Variants in UBAP2 observed in about 807,000 individuals in gnomAD.
UBAP2 encodes the protein ubiquitin-associated protein 2.
UBAP2 carries 75 observed loss-of-function variants against 139.6 expected under a neutral mutation model. That is an observed-to-expected ratio of 0.54 (90% confidence interval 0.45 to 0.65). The LOEUF is 0.65. Ranked by LOEUF, UBAP2 falls within the 30% of genes least tolerant of loss-of-function variation. The probability of loss-of-function intolerance (pLI) is 0.00; values close to 1 mark genes in which losing one functional copy is unlikely to be tolerated. For missense variants in UBAP2, 1,368 were observed against 1,369.6 expected (o/e 1.00, Z 0.02); for synonymous variants, 526 against 526.2 (o/e 1.00, Z 0.01).
At chr9:34,042,727 C>T (rs1305327003) in intron 1 of UBAP2, among the ~76,000 whole-genome samples, 1 of 151,932 alleles carries the variant, frequency 6.6e-6, no homozygotes, top group Non-Finnish European at 1.5e-5. Flanking sequence ...ACACAGGAGA[C>T]TTCCAGGTAG....
rs1319988159 is a variant in UBAP2 at position 33,950,547 on chromosome 9, T to C, written c.1057-1960A>G. On this transcript the variant is annotated intron_variant, in intron 12 of 28. Coordinates refer to ENST00000379238, the MANE Select transcript of UBAP2 (RefSeq NM_001370062.2). ...AGGTTATGGACAGCTGTGACAGAGA[T>C]TGCTCATACTGAAACAGTTGTGCTA... Among the ~76,000 whole-genome samples, 3 of 152,216 alleles carry C rather than the reference T, an allele frequency of 2.0e-5. 1 individual carries two copies. The highest frequency in any genetic ancestry group is 4.1e-4 in the South Asian group (2 of 4,834).
At chr9:34,038,676 C>G (rs997581202) in intron 1 of UBAP2, among the ~76,000 whole-genome samples, 1 of 152,156 alleles carries the variant, frequency 6.6e-6, no homozygotes, top group Non-Finnish European at 1.5e-5. Context: ...CCCAAAGTGC[C>G]GAGATTGTAG....
chr9:34,017,639 T>C (rs1824487769), intron 1 of UBAP2, among the ~76,000 whole-genome samples: 2 of 152,028 alleles, frequency 1.3e-5, no homozygotes, highest in Non-Finnish European at 2.9e-5. Flanking sequence ...AAAGAAACAA[T>C]TGTGTGGCCG....
At chr9:34,008,427 G>A (rs2131237920) in intron 2 of UBAP2, among the ~76,000 whole-genome samples, 1 of 151,718 alleles carries the variant, frequency 6.6e-6, no homozygotes, top group Admixed American at 6.6e-5. Flanking sequence ...GAAGCAATAA[G>A]ACATAACACA....
intron 10 of UBAP2, among the ~76,000 whole-genome samples, chr9:33,956,960 G>T (rs1490070033): frequency 6.6e-6 from 1 of 151,860 alleles, no homozygotes; most frequent in African/African-American, 2.4e-5. Flanking sequence ...GGTCGTGGTG[G>T]TGTGCACCTG....
intron 21 of UBAP2, 52 bp from the exon 22 acceptor site, chr9:33,926,716 A>C: frequency 1.9e-6 from 3 of 1,596,272 alleles, no homozygotes; most frequent in Non-Finnish European, 1.7e-6. Flanking sequence ...ACACCCTGGG[A>C]AGCCCAGGTC....
At chr9:34,046,051 A>T (rs1827550886) in intron 1 of UBAP2, among the ~76,000 whole-genome samples, 1 of 152,170 alleles carries the variant, frequency 6.6e-6, no homozygotes, top group Non-Finnish European at 1.5e-5. Context: ...ACTCAAAATA[A>T]CAACTAAGAG....
intron 1 of UBAP2, among the ~76,000 whole-genome samples, chr9:34,029,675 A>T (rs1249106934): frequency 6.6e-6 from 1 of 151,914 alleles, no homozygotes. Flanking sequence ...GTCTCTATTT[A>T]AAAAAATAAA....
At chr9:33,966,547 G>A (rs1827473592) in intron 8 of UBAP2, among the ~76,000 whole-genome samples, 1 of 152,120 alleles carries the variant, frequency 6.6e-6, no homozygotes, top group Non-Finnish European at 1.5e-5. Context: ...TCAATTTGGA[G>A]AGAAATGACA....
At chr9:33,933,857 GA>G (rs1824219261) in intron 17 of UBAP2, among the ~76,000 whole-genome samples, 1 of 152,190 alleles carries the variant, frequency 6.6e-6, no homozygotes, top group South Asian at 2.1e-4. Flanking sequence ...ATGCAGCAAA[GA>G]ATAGGAAATG....
At chr9:33,934,882 G>C (rs1422914166) in intron 17 of UBAP2, among the ~76,000 whole-genome samples, 2 of 152,136 alleles carry the variant, frequency 1.3e-5, no homozygotes, top group Admixed American at 6.5e-5. Context: ...AAACAGCCTT[G>C]GCAGCCCAAC....
At chr9:34,003,728 G>T (rs1377761918) in intron 2 of UBAP2, among the ~76,000 whole-genome samples, 1 of 144,850 alleles carries the variant, frequency 6.9e-6, no homozygotes, top group Admixed American at 6.9e-5. Flanking sequence ...TCTTTCTTTT[G>T]TTTTTTTTTG....
chr9:33,978,672 C>A (rs974634317), intron 6 of UBAP2, among the ~76,000 whole-genome samples: 2 of 151,866 alleles, frequency 1.3e-5, no homozygotes, highest in East Asian at 3.9e-4. Context: ...CCCAACTATT[C>A]GGGAGGCTGA....
intron 7 of UBAP2, among the ~76,000 whole-genome samples, chr9:33,972,151 C>G (rs1427059900): frequency 1.3e-5 from 2 of 152,190 alleles, no homozygotes; most frequent in African/African-American, 4.8e-5. Context: ...GCTTTTACAG[C>G]TTAGATTTAT....
At chr9:33,968,154 T>C (rs1827611056) in intron 8 of UBAP2, 1 of 585,468 alleles carries the variant, frequency 1.7e-6, no homozygotes, top group Non-Finnish European at 3.4e-6. Flanking sequence ...ACAAATCCAA[T>C]GAATAGAAGA....
At chr9:34,028,487 A>G (rs967609200) in intron 1 of UBAP2, among the ~76,000 whole-genome samples, 1 of 151,806 alleles carries the variant, frequency 6.6e-6, no homozygotes, top group Admixed American at 6.6e-5. Context: ...TCAAGCGATT[A>G]GCCTGCCTCA....
rs558027223 is a variant in UBAP2, at chr9:33,963,827, T to A, written c.680-36A>T. On this transcript the variant is annotated intron_variant, in intron 8 of 28. Transcript: ENST00000379238. ...ATGTAAAATTGAGGGTTTAAACATA[T>A]GAAAAGAATGAAAGTATTCATCACA... The A allele has an allele frequency of 4.8e-6, 7 of 1,462,580 alleles. No individual in the cohort carries two copies. The East Asian group carries it at 1.4e-4, about 28-fold the overall frequency. The allele number at this position is 1,462,580 out of a possible 1,614,324, so 90.6% of individuals were successfully genotyped here.
At chr9:33,955,931 G>A (rs1826524140) in intron 11 of UBAP2, 148 bp downstream of exon 11, 2 of 583,570 alleles carry the variant, frequency 3.4e-6, no homozygotes, top group East Asian at 5.8e-5. Context: ...AGCTCTGTCA[G>A]ATTTACCAAG....
chr9:34,038,143 G>GAAAAAAAAAA (rs78650365), intron 1 of UBAP2, among the ~76,000 whole-genome samples: 1 of 127,248 alleles, frequency 7.9e-6, no homozygotes, highest in Non-Finnish European at 1.6e-5. Context: ...TCCAGCCTGG[G>GAAAAAAAAAA]AAAAAAAAAA....
Sources: gnomAD v4.1 joint callset for allele counts (sites outside exome capture counted in the v4.1 genomes callset) on GRCh38, gnomAD v4.1.1 for gene constraint, MANE v1.5 for transcripts, NCBI Gene and HGNC (gene_info 2026-07-23, HGNC 2026-07-21) for gene names.